Variants in PKIB observed in about 807,000 individuals in gnomAD.
PKIB encodes the protein cAMP-dependent protein kinase inhibitor beta.
A neutral mutation model predicts 4.5 loss-of-function variants in PKIB; 2 were observed. The observed-to-expected ratio is 0.44, with a 90% CI of 0.18 to 1.39. The LOEUF is 1.39. Among genes scored for constraint, PKIB ranks in the 40% most tolerant of loss-of-function variants. The probability of loss-of-function intolerance (pLI) is 0.27; values close to 1 mark genes in which losing one functional copy is unlikely to be tolerated. For synonymous variants in PKIB, 38 were observed against 36.0 expected (o/e 1.06, Z -0.20); for missense variants, 94 against 92.6 (o/e 1.02, Z -0.06).
At chr6:122,659,306 A>C (rs1336567402) in intron 2 of PKIB, among the ~76,000 whole-genome samples, 1 of 152,196 alleles carries the variant, frequency 6.6e-6, no homozygotes, top group Non-Finnish European at 1.5e-5. Context: ...ACTCTTTAGA[A>C]AGATATTTTC....
intron 1 of PKIB, among the ~76,000 whole-genome samples, chr6:122,613,043 G>T (rs9490495): frequency 6.6e-6 from 1 of 151,876 alleles, no homozygotes; most frequent in Admixed American, 6.6e-5. Flanking sequence ...AAAAAATGTC[G>T]CAATATTTCT....
rs71021412 is a variant in PKIB at position 122,662,308 on chromosome 6, C to CTTTTTTTTTTTTTTTTTTTTTTTTT, written c.-75-12765_-75-12741dup. On this transcript the variant is annotated intron_variant, in intron 2 of 4. Transcript: ENST00000368452. ...CTCTCCTTCTTTCTTTCCTTGTCTC[C>CTTTTTTTTTTTTTTTTTTTTTTTTT]TTTTTTTTTTTTTTTTTTTTTTTTT... Among the ~76,000 whole-genome samples the CTTTTTTTTTTTTTTTTTTTTTTTTT allele has an allele frequency of 1.7e-3, 23 of 13,262 alleles. 6 individuals carry two copies. Among genetic ancestry groups the CTTTTTTTTTTTTTTTTTTTTTTTTT allele is most frequent in the South Asian group, 6.5e-3 (1 of 154 alleles). 8.7% of individuals were successfully genotyped at this position (13,262 alleles called of 152,430 possible). A position where few individuals can be genotyped will look rare whatever the true frequency, so the allele number is the denominator to read the frequency against.
At chr6:122,720,627 A>G (rs1262472992) in intron 4 of PKIB, among the ~76,000 whole-genome samples, 2 of 152,152 alleles carry the variant, frequency 1.3e-5, no homozygotes, top group Non-Finnish European at 2.9e-5. Context: ...GGACAAGTCA[A>G]TGAAGCGATT....
intron 2 of PKIB, among the ~76,000 whole-genome samples, chr6:122,560,353 C>G (rs990997291): frequency 6.6e-6 from 1 of 151,932 alleles, no homozygotes; most frequent in Admixed American, 6.6e-5. Context: ...CACTTATTGA[C>G]TTGCATATGC....
chr6:122,639,963 CA>C (rs1776062975), intron 2 of PKIB, among the ~76,000 whole-genome samples: 1 of 152,106 alleles, frequency 6.6e-6, no homozygotes, highest in African/African-American at 2.4e-5. Flanking sequence ...TAAGGGACTA[CA>C]AGGCTGCTTT....
At chr6:122,624,925 C>A (rs1302695089) in intron 1 of PKIB, among the ~76,000 whole-genome samples, 3 of 152,176 alleles carry the variant, frequency 2.0e-5, no homozygotes, top group African/African-American at 7.2e-5. Flanking sequence ...CCTTTATCTC[C>A]TTTTCCTCCT....
intron 2 of PKIB, among the ~76,000 whole-genome samples, chr6:122,633,604 T>C: frequency 6.6e-6 from 1 of 152,178 alleles, no homozygotes; most frequent in East Asian, 1.9e-4. Flanking sequence ...TCAACTCATA[T>C]CTGCCAGGGA....
At chr6:122,586,914 C>T (rs550549612) in intron 3 of PKIB, among the ~76,000 whole-genome samples, 9 of 152,276 alleles carry the variant, frequency 5.9e-5, no homozygotes, top group African/African-American at 2.2e-4. Context: ...CCTCTGCCTC[C>T]ACCTGGGTGG....
chr6:122,648,191 AGT>A (rs1391177752), intron 2 of PKIB, among the ~76,000 whole-genome samples: 1 of 152,210 alleles, frequency 6.6e-6, no homozygotes, highest in African/African-American at 2.4e-5. Context: ...TTCGTCTCCT[AGT>A]GGAAGAACAC....
chr6:122,535,351 G>C (rs72962416), intron 2 of PKIB, among the ~76,000 whole-genome samples: 3,074 of 152,040 alleles, frequency 0.02, 48 homozygotes, highest in Non-Finnish European at 0.031. Context: ...CCCTAAAAAA[G>C]GTTCAATTAT....
At chr6:122,644,907 T>C (rs1217148212) in intron 2 of PKIB, 3 of 152,248 alleles carry the variant, frequency 2.0e-5, no homozygotes, top group Non-Finnish European at 4.4e-5. Context: ...TCATATATCT[T>C]AGAGTTGTAT....
Position 122,579,978 on chromosome 6 carries a change from A to G in PKIB, c.-247-5943A>G, listed in dbSNP as rs149759698. Among the ~76,000 whole-genome samples, 1,069 of 152,322 alleles carry G rather than the reference A, an allele frequency of 7.0e-3. 7 individuals carry two copies. Among genetic ancestry groups the G allele is most frequent in the Non-Finnish European group, 0.013 (878 of 68,018 alleles). On this transcript the variant is annotated intron_variant, in intron 2 of 6. Coordinates refer to the PKIB transcript ENST00000392491. ...TAGCCTTGTTCTAAGATTATTAAAAATAGGTCTTAAGGTGCTTTCTATTCA... is the reference window on the plus strand; with the variant it reads ...TAGCCTTGTTCTAAGATTATTAAAAGTAGGTCTTAAGGTGCTTTCTATTCA...
rs1326604821 is a variant in PKIB, at chr6:122,616,909, A to G, written c.-161+6374A>G. 2.0e-5 allele frequency among the ~76,000 whole-genome samples: 3 copies of G among 152,302 alleles called. No homozygotes were observed. The South Asian group carries it at 6.2e-4, about 32-fold the overall frequency. The stretch of plus-strand genomic sequence containing the variant: ...TACTGCTCTATTTTTTAAGACGAGT[A>G]GGCAAAGAGAGTATCTATTCAAAGT... On this transcript the variant is annotated intron_variant, in intron 1 of 4. Transcript: ENST00000368452.
intron 3 of PKIB, among the ~76,000 whole-genome samples, chr6:122,587,193 T>C (rs148789901): frequency 0.015 from 2,289 of 152,104 alleles, 26 homozygotes; most frequent in South Asian, 0.03. Context: ...CACTCCACAA[T>C]AGGCCCCGGT....
intron 2 of PKIB, among the ~76,000 whole-genome samples, chr6:122,669,551 C>T (rs928915156): frequency 6.6e-6 from 1 of 151,960 alleles, no homozygotes; most frequent in Non-Finnish European, 1.5e-5. Context: ...ATTCTCTGAT[C>T]TTAGTCTTAG....
At chr6:122,478,198 T>C (rs1057300654) in intron 2 of PKIB, 1 of 152,202 alleles carries the variant, frequency 6.6e-6, no homozygotes, top group Non-Finnish European at 1.5e-5. Flanking sequence ...TTTAAAGATG[T>C]AATGTCAGAT....
intron 3 of PKIB, among the ~76,000 whole-genome samples, chr6:122,711,093 G>A (rs1477416501): frequency 6.6e-6 from 1 of 151,870 alleles, no homozygotes; most frequent in Non-Finnish European, 1.5e-5. Context: ...AAGGAGAAGT[G>A]AAAATATCAC....
Position 122,675,747 on chromosome 6 carries a change from T to G in PKIB, c.-9+603T>G, listed in dbSNP as rs376802176. 2.6e-5 allele frequency among the ~76,000 whole-genome samples: 4 copies of G among 152,152 alleles called. No individual in the cohort carries two copies. In the East Asian group the frequency reaches 5.8e-4, roughly 22 times the overall value. The stretch of plus-strand genomic sequence containing the variant: ...ACCAGAGTTCAAGACAAGCACACAT[T>G]TTCACAAACAAATATTTTATTAGAT... On this transcript the variant is annotated intron_variant, in intron 3 of 4. Coordinates refer to ENST00000368452, the MANE Select transcript of PKIB (RefSeq NM_181795.3).
intron 3 of PKIB, among the ~76,000 whole-genome samples, chr6:122,695,118 C>T (rs895894195): frequency 2.6e-5 from 4 of 152,064 alleles, no homozygotes; most frequent in African/African-American, 9.7e-5. Context: ...ATTAAAAAAT[C>T]TAACATTAAG....
Sources: allele counts gnomAD v4.1 joint callset (sites outside exome capture counted in the v4.1 genomes callset), GRCh38; gene constraint gnomAD v4.1.1; transcripts MANE v1.5; gene names NCBI Gene and HGNC (gene_info 2026-07-23, HGNC 2026-07-21).